SLC1A3: variants seen among roughly 807,000 people sequenced by gnomAD.
The protein encoded by SLC1A3 is solute carrier family 1 member 3.
A neutral mutation model predicts 48.1 loss-of-function variants in SLC1A3; 21 were observed. That is an observed-to-expected ratio of 0.44 (90% CI 0.31 to 0.63). The LOEUF (loss-of-function observed/expected upper bound fraction) is 0.63, where lower values mean the gene tolerates loss of function less well. Ranked by LOEUF, SLC1A3 falls within the 20% of genes least tolerant of loss-of-function variation. The pLI, the probability that SLC1A3 is intolerant of heterozygous loss-of-function variation, is 0.08. For missense variants in SLC1A3, 546 were observed against 689.0 expected, an observed-to-expected ratio of 0.79 and a Z score of 2.32; for synonymous variants, 239 against 251.4, an observed-to-expected ratio of 0.95 and a Z score of 0.47.
At chr5:36,619,501 G>A (rs555358817) in intron 2 of SLC1A3, among the ~76,000 whole-genome samples, 8 of 152,062 alleles carry the variant, frequency 5.3e-5, no homozygotes, top group East Asian at 1.9e-4. Context: ...TTAGCCAGGC[G>A]TTGTGGTGCG....
chr5:36,651,279 A>T lies in SLC1A3; in HGVS notation c.320-19750A>T, dbSNP rs1330597853. Among the ~76,000 whole-genome samples the T allele has an allele frequency of 2.6e-5, 4 of 151,422 alleles. No individual in the cohort carries two copies. In the East Asian group the frequency reaches 5.8e-4, roughly 22 times the overall value. On this transcript the variant is annotated intron_variant, in intron 3 of 9. Transcript: ENST00000265113. Reference sequence around the variant, plus strand: ...AACTCCACTGCCCTCTACTATGGCCACCATCTGCACCCTAGTCTGGGCAAC... The same window carrying T: ...AACTCCACTGCCCTCTACTATGGCCTCCATCTGCACCCTAGTCTGGGCAAC...
intron 3 of SLC1A3, chr5:36,666,578 G>C (rs1464579823): frequency 2.6e-5 from 4 of 152,146 alleles, no homozygotes; most frequent in African/African-American, 9.7e-5. Context: ...AACCAGAGAT[G>C]GGAATTGTTG....
Position 36,686,608 on chromosome 5 carries a change from G to A in SLC1A3, c.*339G>A, listed in dbSNP as rs1580054116. On this transcript the variant is annotated 3_prime_UTR_variant, in exon 10 of 10. Transcript: ENST00000265113. ...ATATAAGTTAAAGAGACAAATAGTA[G>A]GCTAAAAACATTTTAAAATCAACTT... 2.0e-5 allele frequency: 5 copies of A among 254,226 alleles called. No homozygotes were observed. The highest frequency in any genetic ancestry group is 1.0e-4 in the East Asian group (1 of 9,946). 15.7% of individuals were successfully genotyped at this position (254,226 alleles called of 1,614,324 possible).
chr5:36,599,908 G>A (rs61274624), intron 1 of SLC1A3, among the ~76,000 whole-genome samples: 1,715 of 152,052 alleles, frequency 0.011, 35 homozygotes, highest in African/African-American at 0.038. Context: ...CGCAACCTCC[G>A]ACTCCTGGGT....
intron 3 of SLC1A3, among the ~76,000 whole-genome samples, chr5:36,659,447 C>T (rs1172008593): frequency 1.3e-5 from 2 of 152,214 alleles, no homozygotes. Flanking sequence ...AAAAACATCA[C>T]TGTCATCATG....
At chr5:36,604,725 G>A (rs760251122), upstream of SLC1A3, among the ~76,000 whole-genome samples, 1 of 152,114 alleles carries the variant, frequency 6.6e-6, no homozygotes, top group Non-Finnish European at 1.5e-5. Context: ...GGGCACCAGG[G>A]TCTTCCCATC....
At chr5:36,621,002 T>A (rs1739642792) in intron 2 of SLC1A3, among the ~76,000 whole-genome samples, 1 of 151,674 alleles carries the variant, frequency 6.6e-6, no homozygotes, top group African/African-American at 2.4e-5. Flanking sequence ...ACCTCCCAGG[T>A]TCAAGCGATT....
At chr5:36,655,958 G>A (rs1015208720) in intron 3 of SLC1A3, among the ~76,000 whole-genome samples, 13 of 152,182 alleles carry the variant, frequency 8.5e-5, no homozygotes, top group Non-Finnish European at 1.8e-4. Flanking sequence ...AGAGCTGGAC[G>A]CATGATTGCT....
intron 3 of SLC1A3, among the ~76,000 whole-genome samples, chr5:36,664,450 A>G (rs578092328): frequency 6.6e-6 from 1 of 152,192 alleles, no homozygotes; most frequent in East Asian, 1.9e-4. Context: ...TCCTTTTTAA[A>G]GCCTCTACTA....
chr5:36,636,600 CT>C (rs11292001), intron 3 of SLC1A3, among the ~76,000 whole-genome samples: 50,279 of 107,546 alleles, frequency 0.47, 9,643 homozygotes, highest in South Asian at 0.53. Context: ...TTTCTTCTTT[CT>C]TTTTTTTTTT....
intron 3 of SLC1A3, among the ~76,000 whole-genome samples, chr5:36,648,375 GTTC>G (rs1740920300): frequency 1.3e-5 from 2 of 152,268 alleles, no homozygotes; most frequent in Admixed American, 6.5e-5. Context: ...TTGGAATACG[GTTC>G]TTAAGTTAAT....
intron 3 of SLC1A3, among the ~76,000 whole-genome samples, chr5:36,639,931 A>G (rs923647285): frequency 1.3e-5 from 2 of 152,184 alleles, no homozygotes; most frequent in South Asian, 4.1e-4. Context: ...ATGACTGGGA[A>G]CCCGCATTCC....
In SLC1A3 at chr5:36,600,608, G is replaced by A. The variant is rs185270852; in HGVS notation, c.-96+3930G>A. On this transcript the variant is annotated intron_variant, in intron 1 of 9. Transcript: ENST00000680318. ...CCTTCCTGGGGAGGCAGTGGGATGA[G>A]GAAGGAGGCTTGCATTTGCTTCTTC... 2.8e-3 allele frequency among the ~76,000 whole-genome samples: 428 copies of A among 152,298 alleles called. 1 individual carries two copies. The highest frequency in any genetic ancestry group is 3.3e-3 in the Non-Finnish European group (226 of 68,008).
chr5:36,683,820 G>T (rs916300258), intron 8 of SLC1A3, 44 bp from the exon 9 acceptor site: 1 of 1,613,252 alleles, frequency 6.2e-7, no homozygotes. Context: ...TCTACGTGGG[G>T]AGCTTTGTAA....
At chr5:36,663,281 T>A (rs1741590045) in intron 3 of SLC1A3, among the ~76,000 whole-genome samples, 1 of 152,032 alleles carries the variant, frequency 6.6e-6, no homozygotes, top group South Asian at 2.1e-4. Flanking sequence ...AGTAGCGTGA[T>A]CTCTGCTCCC....
chr5:36,638,391 A>C (rs1411036702), intron 3 of SLC1A3, among the ~76,000 whole-genome samples: 1 of 152,180 alleles, frequency 6.6e-6, no homozygotes, highest in African/African-American at 2.4e-5. Context: ...TAATGCCCTC[A>C]GCACTTCATC....
At chr5:36,662,551 T>A (rs1287666902) in intron 3 of SLC1A3, among the ~76,000 whole-genome samples, 3 of 152,186 alleles carry the variant, frequency 2.0e-5, no homozygotes, top group Non-Finnish European at 4.4e-5. Flanking sequence ...GAAGATGAAT[T>A]ACTCTCTGGT....
rs3776580 is a variant in SLC1A3, at chr5:36,654,962, G to A, written c.320-16067G>A. 0.019 allele frequency among the ~76,000 whole-genome samples: 2,846 copies of A among 152,310 alleles called. 198 individuals carry two copies. In the East Asian group the frequency reaches 0.26, roughly 14 times the overall value. ...GTAGTAATTCCTGTTTGGTTCTTAA[G>A]AACACAAACTTCTGGAGCTACCAGT... On this transcript the variant is annotated intron_variant, in intron 3 of 9. Transcript: ENST00000265113.
chr5:36,672,311 T>C lies in SLC1A3; in HGVS notation c.524+1078T>C, dbSNP rs541175467. Among the ~76,000 whole-genome samples the C allele has an allele frequency of 9.2e-5, 14 of 152,270 alleles. No homozygotes were observed. In the South Asian group the frequency reaches 2.9e-3, roughly 32 times the overall value. On this transcript the variant is annotated intron_variant, in intron 4 of 9. Transcript: ENST00000265113. ...GCCAGAGGGCAAGAGAACCCATGTGTTGTGGTCCATAGAGGCCTGGATCCC... is the reference window on the plus strand; with the variant it reads ...GCCAGAGGGCAAGAGAACCCATGTGCTGTGGTCCATAGAGGCCTGGATCCC...
Sources: allele counts gnomAD v4.1 joint callset (sites outside exome capture counted in the v4.1 genomes callset), GRCh38; gene constraint gnomAD v4.1.1; transcripts MANE v1.5; gene names NCBI Gene and HGNC (gene_info 2026-07-23, HGNC 2026-07-21).